Variants in GMEB2 observed in about 807,000 individuals in gnomAD.
GMEB2 encodes glucocorticoid modulatory element binding protein 2, also known as glucocorticoid modulatory element-binding protein 2.
Under a neutral mutation model 45.7 loss-of-function variants are expected in GMEB2, and 7 were observed. The observed-to-expected ratio is 0.15, with a 90% confidence interval of 0.09 to 0.29. GMEB2 has a LOEUF of 0.29. Ranked by LOEUF, GMEB2 falls within the 10% of genes least tolerant of loss-of-function variation. The pLI is 1.00. For synonymous variants in GMEB2, 322 were observed against 323.6 expected (o/e 1.00, Z 0.05); for missense variants, 582 against 739.2 (o/e 0.79, Z 2.47).
At chr20:63,623,067 A>C (rs770197994) in intron 1 of GMEB2, among the ~76,000 whole-genome samples, 3 of 152,250 alleles carry the variant, frequency 2.0e-5, no homozygotes, top group Non-Finnish European at 4.4e-5. Context: ...TCTAAACACA[A>C]GCACTAAGGA....
chr20:63,617,125 C>T (rs946881957), intron 2 of GMEB2, among the ~76,000 whole-genome samples: 1 of 152,024 alleles, frequency 6.6e-6, no homozygotes, highest in African/African-American at 2.4e-5. Flanking sequence ...CAGGTGCTTA[C>T]CACCGCACCC....
rs201558535 is a variant in GMEB2, at chr20:63,592,980, T to C, written c.691+31A>G. ...GAGACTCCACCACCCCGCCAGGGCT[T>C]GTGAGAAGCCCACAAGGAGGAACCT... On this transcript the variant is annotated intron_variant, in intron 7 of 9. Coordinates refer to ENST00000370077, the MANE Select transcript of GMEB2 (RefSeq NM_012384.5). The surrounding 1 kb of genome is among the most constrained non-coding windows in gnomAD (Gnocchi z 8.2). The C allele has an allele frequency of 6.5e-5, 98 of 1,509,746 alleles. No individual in the cohort carries two copies. Among genetic ancestry groups the C allele is most frequent in the Non-Finnish European group, 8.8e-5 (96 of 1,092,568 alleles). The allele number at this position is 1,509,746 out of a possible 1,614,324, so 93.5% of individuals were successfully genotyped here. A position where few individuals can be genotyped will look rare whatever the true frequency, so the allele number is the denominator to read the frequency against.
intron 5 of GMEB2, 96 bp from the exon 6 acceptor site, chr20:63,595,863 C>A (rs2083195214): frequency 9.0e-7 from 1 of 1,109,226 alleles, no homozygotes; most frequent in Non-Finnish European, 1.3e-6. Context: ...CTGCGTGGGG[C>A]AGGCCTAGCA....
intron 1 of GMEB2, among the ~76,000 whole-genome samples, chr20:63,624,286 G>A (rs966492840): frequency 2.6e-4 from 40 of 151,142 alleles, no homozygotes; most frequent in Non-Finnish European, 3.5e-4. Context: ...CAAATTGGCC[G>A]GGCATGGTGG....
chr20:63,613,878 G>A (rs1357524624), intron 2 of GMEB2, among the ~76,000 whole-genome samples: 4 of 152,208 alleles, frequency 2.6e-5, no homozygotes, highest in Non-Finnish European at 5.9e-5. Context: ...GGTAACTCCA[G>A]TGTCCTTGAT....
intron 4 of GMEB2, among the ~76,000 whole-genome samples, chr20:63,600,717 CAAAAAAAA>C (rs34633546): frequency 1.2e-5 from 1 of 84,640 alleles, no homozygotes; most frequent in African/African-American, 4.8e-5. Flanking sequence ...GACTCCATCT[CAAAAAAAA>C]AAAAAAAAAA....
intron 4 of GMEB2, among the ~76,000 whole-genome samples, chr20:63,601,986 G>T (rs1207535671): frequency 1.3e-5 from 2 of 149,176 alleles, no homozygotes; most frequent in Non-Finnish European, 3.0e-5. Context: ...GCTTCTGTGG[G>T]GCCTGTGGCT....
rs1017779497 is a variant in GMEB2, at chr20:63,588,535, A to C, written c.*1554T>G. 8 of 394,132 alleles carry C rather than the reference A, an allele frequency of 2.0e-5. No individual in the cohort carries two copies. Among genetic ancestry groups the C allele is most frequent in the Non-Finnish European group, 3.1e-5 (7 of 223,710 alleles). The allele number at this position is 394,132 out of a possible 1,614,324, so 24.4% of individuals were successfully genotyped here. ...CTGTGACAACAGCAAACAAAAATGT[A>C]ACAGAGAAAACAAACAAGACACAGC... On this transcript the variant is annotated 3_prime_UTR_variant, in exon 10 of 10. Transcript: ENST00000370077.
At chr20:63,609,064 CCT>C (rs386419789) in intron 2 of GMEB2, among the ~76,000 whole-genome samples, 5,840 of 44,266 alleles carry the variant, frequency 0.13, 1,495 homozygotes, top group Non-Finnish European at 0.21. Flanking sequence ...GAAACATGCC[CCT>C]GACCCCACAC....
chr20:63,600,475 T>C (rs2146062100), intron 4 of GMEB2, among the ~76,000 whole-genome samples: 1 of 151,184 alleles, frequency 6.6e-6, no homozygotes, highest in East Asian at 2.0e-4. Context: ...CCCAGCACTT[T>C]GGGAGGCCAA....
chr20:63,609,077 C>A (rs35690311), intron 2 of GMEB2, among the ~76,000 whole-genome samples: 15,369 of 30,512 alleles, frequency 0.5, 5,655 homozygotes, highest in Non-Finnish European at 0.82. Flanking sequence ...GACCCCACAC[C>A]TCCATTTCTA....
At chr20:63,601,057 G>A (rs1235229200) in intron 4 of GMEB2, among the ~76,000 whole-genome samples, 1 of 152,174 alleles carries the variant, frequency 6.6e-6, no homozygotes, top group African/African-American at 2.4e-5. Flanking sequence ...AAACTAGTCT[G>A]AGCACCCGCT....
Position 63,589,998 on chromosome 20 carries a change from G to C in GMEB2, c.*91C>G. ...TGCAGACCACGTGACCCACCTGCCC[G>C]AGCCAGCCCTGCGGCCTCTGCCCGC... On this transcript the variant is annotated 3_prime_UTR_variant, in exon 10 of 10. Coordinates refer to ENST00000370077, the MANE Select transcript of GMEB2 (RefSeq NM_012384.5). The C allele has an allele frequency of 8.5e-7, 1 of 1,179,360 alleles. No homozygotes were observed. The highest frequency in any genetic ancestry group is 1.1e-6 in the Non-Finnish European group (1 of 876,728). 73.1% of individuals were successfully genotyped at this position (1,179,360 alleles called of 1,614,324 possible).
chr20:63,596,025 T>C (rs1219258824), intron 5 of GMEB2, among the ~76,000 whole-genome samples: 2 of 152,170 alleles, frequency 1.3e-5, no homozygotes, highest in African/African-American at 2.4e-5. Context: ...CCAGTGGGTG[T>C]CCTGGAGGTG....
In GMEB2 at chr20:63,597,629, C is replaced by G. The variant is rs190356411; in HGVS notation, c.461+128G>C. 4 of 639,284 alleles carry G rather than the reference C, an allele frequency of 6.3e-6. No homozygotes were observed. The East Asian group carries it at 8.3e-5, about 13-fold the overall frequency. 39.6% of individuals were successfully genotyped at this position (639,284 alleles called of 1,614,324 possible). A position where few individuals can be genotyped will look rare whatever the true frequency, so the allele number is the denominator to read the frequency against. Reference sequence around the variant, plus strand: ...TGGGTGTGAGCAGGTGCAGCAGCCACCCGGGAGGTTGTCAGCACTCACCAC... The same window carrying G: ...TGGGTGTGAGCAGGTGCAGCAGCCAGCCGGGAGGTTGTCAGCACTCACCAC... On this transcript the variant is annotated intron_variant, in intron 5 of 9. Transcript: ENST00000370077.
intron 4 of GMEB2, among the ~76,000 whole-genome samples, chr20:63,602,651 AC>A (rs1223289779): frequency 6.6e-6 from 1 of 152,126 alleles, no homozygotes; most frequent in Non-Finnish European, 1.5e-5. Context: ...GAAAGAGAAG[AC>A]CTTTCCCACT....
rs558164590 is a variant in GMEB2, at chr20:63,619,382, C to T, written c.16G>A (p.Val6Met). MATPD[V>M]SVHMEEVVVV... ...ACCACCTCCTCCATGTGCACACTCA[C>T]GTCGGGAGTCGCCATGGCTCAGCGG... The change falls in exon 2 of 10, where the codon GTG becomes ATG. Residue 6 changes from valine (V) to methionine (M), a missense_variant. By Grantham distance (21) the Val-to-Met change is conservative. Transcript: ENST00000370077. The surrounding 1 kb of genome is among the most constrained non-coding windows in gnomAD (Gnocchi z 4.6). 1.5e-5 allele frequency: 24 copies of T among 1,611,638 alleles called. No homozygotes were observed. The highest frequency in any genetic ancestry group is 1.7e-4 in the Middle Eastern group (1 of 6,060).
At chr20:63,620,624 C>A (rs990375996) in intron 1 of GMEB2, among the ~76,000 whole-genome samples, 1 of 152,042 alleles carries the variant, frequency 6.6e-6, no homozygotes, top group African/African-American at 2.4e-5. Context: ...TCAGATGGGC[C>A]CCAGTGGCGC....
Position 63,589,265 on chromosome 20 carries a change from A to G in GMEB2, c.*824T>C. The G allele has an allele frequency of 2.5e-6, 1 of 398,744 alleles. No individual in the cohort carries two copies. 24.7% of individuals were successfully genotyped at this position (398,744 alleles called of 1,614,324 possible). A position where few individuals can be genotyped will look rare whatever the true frequency, so the allele number is the denominator to read the frequency against. On this transcript the variant is annotated 3_prime_UTR_variant, in exon 10 of 10. Transcript: ENST00000370077. ...AGGACCTCCGCACCCGGTCAAGTGC[A>G]CTCACAGGGGCTCAGGGGCCACCCA...
Sources: allele counts gnomAD v4.1 joint callset (sites outside exome capture counted in the v4.1 genomes callset), GRCh38; gene constraint gnomAD v4.1.1; non-coding constraint Gnocchi (gnomAD v3.1); transcripts MANE v1.5; gene names NCBI Gene and HGNC (gene_info 2026-07-23, HGNC 2026-07-21).